The following AADAT variants were observed in gnomAD, a reference collection of about 807,000 sequenced individuals.
The protein encoded by AADAT is aminoadipate aminotransferase, also known as kynurenine/alpha-aminoadipate aminotransferase, mitochondrial.
A neutral mutation model predicts 56.2 loss-of-function variants in AADAT; 25 were observed. The ratio of observed to expected loss-of-function variants is 0.44; its 90% CI spans 0.32 to 0.62. AADAT has a LOEUF of 0.62. Ranked by LOEUF, AADAT falls within the 20% of genes least tolerant of loss-of-function variation. The pLI is 0.04. For synonymous variants in AADAT, 173 were observed against 164.7 expected (o/e 1.05, Z -0.39); for missense variants, 387 against 510.5 (o/e 0.76, Z 2.33).
chr4:170,090,330 CA>C (rs1354131472), upstream of AADAT: 1 of 152,336 alleles, frequency 6.6e-6, no homozygotes, highest in Admixed American at 6.5e-5. Context: ...GGAGCGGCCC[CA>C]CCCTCGTTCC....
chr4:170,092,915 T>G (rs1425428992), upstream of AADAT, among the ~76,000 whole-genome samples: 1 of 152,244 alleles, frequency 6.6e-6, no homozygotes, highest in Non-Finnish European at 1.5e-5. Context: ...TCTCAGTTAA[T>G]CCATGCACAC....
rs75920896 is a variant in AADAT, at chr4:170,078,686, A to C, written c.370-103T>G. The C allele has an allele frequency of 0.01, 6,750 of 667,944 alleles. 372 individuals are homozygous for C. The African/African-American group carries it at 0.11, about 11-fold the overall frequency. 41.4% of individuals were successfully genotyped at this position (667,944 alleles called of 1,614,324 possible). ...GTTTGAGCTCACATGGTTCTAGAGT[A>C]AGAATTAGCAAATTGTTTATAAGGG... On this transcript the variant is annotated intron_variant, in intron 3 of 12. Transcript: ENST00000337664.
At chr4:170,069,061 G>GA in intron 7 of AADAT, 87 bp downstream of exon 7, 2 of 1,168,980 alleles carry the variant, frequency 1.7e-6, no homozygotes, top group Non-Finnish European at 2.4e-6. Context: ...CATTTTAAGT[G>GA]AAAAAAATTG....
In AADAT at chr4:170,078,595, A is replaced by T; in HGVS notation, c.370-12T>A. The stretch of plus-strand genomic sequence containing the variant: ...ATCATTTCAAACACCTAACAAAAGA[A>T]GCATAGGTTAGCTTGTTAGTCAGCA... On this transcript the variant is annotated splice_polypyrimidine_tract_variant and intron_variant, in intron 3 of 12. Transcript: ENST00000337664. 6.3e-7 allele frequency: 1 copy of T among 1,587,520 alleles called. No individual in the cohort carries two copies. Among genetic ancestry groups the T allele is most frequent in the Non-Finnish European group, 8.6e-7 (1 of 1,161,732 alleles).
chr4:170,090,615 AT>A, upstream of AADAT: 1 of 152,294 alleles, frequency 6.6e-6, no homozygotes. Context: ...CTTTCGTTAA[AT>A]AAGAATTATG....
At chr4:170,079,481 G>A (rs750843852) in intron 3 of AADAT, among the ~76,000 whole-genome samples, 6 of 152,268 alleles carry the variant, frequency 3.9e-5, no homozygotes, top group Middle Eastern at 3.4e-3. Flanking sequence ...AGAAGGGTGA[G>A]AATACATGTG....
rs1052188225 is a variant in AADAT, at chr4:170,073,157, T to C, written c.633A>G (p.Glu211=). The C allele has an allele frequency of 1.1e-5, 17 of 1,614,018 alleles. No homozygotes were observed. The highest frequency in any genetic ancestry group is 3.3e-4 in the Middle Eastern group (2 of 6,084). The change falls in exon 5 of 13, where the codon GAA becomes GAG. Residue 211 remains glutamate, a synonymous_variant. Transcript: ENST00000337664. The part of the protein sequence containing the change: ...NNPTGNSLTS[E]RKKEIYELAR... ...ATACCTCATAGATTTCCTTTTTGCG[T>C]TCACTGGTTAATGAGTTTCCAGTAG...
Position 170,060,948 on chromosome 4 carries a change from G to A in AADAT, c.1258C>T (p.Leu420Phe). 6.5e-7 allele frequency: 1 copy of A among 1,540,270 alleles called. No homozygotes were observed. The highest frequency in any genetic ancestry group is 8.8e-7 in the Non-Finnish European group (1 of 1,142,636). ...TTTCTTCATAAAGATTCTTTTATAAGTTGTGCTAATACCTGGAAGGCCTAA... is the reference window on the plus strand; with the variant it reads ...TTTCTTCATAAAGATTCTTTTATAAATTGTGCTAATACCTGGAAGGCCTAA... ...MDVAFQVLAQ[L>F]IKESL Residue 420 changes from leucine to phenylalanine, a missense_variant, in exon 13 of 13, where the codon CTT (leucine) becomes TTT (phenylalanine). Transcript: ENST00000337664.
At chr4:170,073,101 G>A (rs758976151) in intron 5 of AADAT, 35 bp downstream of exon 5, 15 of 1,595,082 alleles carry the variant, frequency 9.4e-6, no homozygotes, top group Non-Finnish European at 1.3e-5. Flanking sequence ...AGAGAAACAG[G>A]AACACAACTA....
chr4:170,067,242 GAATAAATC>G, intron 9 of AADAT, 77 bp downstream of exon 9: 2 of 1,001,510 alleles, frequency 2.0e-6, no homozygotes, highest in Non-Finnish European at 3.0e-6. Context: ...TAGGAAGGAA[GAATAAATC>G]AATACTGTAG....
chr4:170,076,611 G>A (rs575098137), intron 4 of AADAT, among the ~76,000 whole-genome samples: 1 of 151,896 alleles, frequency 6.6e-6, no homozygotes, highest in Non-Finnish European at 1.5e-5. Flanking sequence ...TATATGTTCT[G>A]GTTATTAAAG....
chr4:170,069,129 T>TA lies in AADAT; in HGVS notation c.803+18dup. 2 of 1,606,332 alleles carry TA rather than the reference T, an allele frequency of 1.2e-6. No individual in the cohort carries two copies. The highest frequency in any genetic ancestry group is 1.7e-6 in the Non-Finnish European group (2 of 1,175,636). On this transcript the variant is annotated intron_variant, in intron 7 of 12. Coordinates refer to ENST00000337664, the MANE Select transcript of AADAT (RefSeq NM_016228.4). ...GGCTCTATTAGATCTAGCGTCAAGT[T>TA]AGAGACACAGGGCCTTACCCAGAGG... is the stretch of plus-strand genomic sequence containing the variant.
chr4:170,083,792 TA>T (rs1732426663), intron 3 of AADAT, among the ~76,000 whole-genome samples: 1 of 152,144 alleles, frequency 6.6e-6, no homozygotes, highest in Non-Finnish European at 1.5e-5. Context: ...AATGGAAATG[TA>T]AATTGGTACA....
At chr4:170,063,958 GA>G (rs140253958) in intron 11 of AADAT, among the ~76,000 whole-genome samples, 2,067 of 124,634 alleles carry the variant, frequency 0.017, 59 homozygotes, top group East Asian at 0.16. Context: ...ATAAAAAGAG[GA>G]AAAAAAAAAG....
chr4:170,091,966 G>T (rs1732860135), upstream of AADAT, among the ~76,000 whole-genome samples: 1 of 152,200 alleles, frequency 6.6e-6, no homozygotes, highest in Non-Finnish European at 1.5e-5. Context: ...TTAGCACTCT[G>T]TATCTAACTA....
intron 6 of AADAT, among the ~76,000 whole-genome samples, chr4:170,069,692 G>A (rs962240812): frequency 2.0e-5 from 3 of 152,108 alleles, no homozygotes; most frequent in African/African-American, 7.2e-5. Context: ...TGAGAAATTA[G>A]TCAACATGAA....
intron 1 of AADAT, 137 bp from the exon 2 acceptor site, chr4:170,088,701 G>A: frequency 1.1e-6 from 1 of 874,956 alleles, no homozygotes; most frequent in Non-Finnish European, 1.7e-6. Flanking sequence ...CTAAATGTTG[G>A]TGCTCCCCCA....
chr4:170,070,133 C>T (rs929587859), intron 6 of AADAT, among the ~76,000 whole-genome samples: 3 of 152,064 alleles, frequency 2.0e-5, no homozygotes, highest in Non-Finnish European at 4.4e-5. Flanking sequence ...AGCACAGCCT[C>T]TTTCTCCTTC....
intron 2 of AADAT, among the ~76,000 whole-genome samples, chr4:170,087,760 T>C (rs1732634640): frequency 6.6e-6 from 1 of 152,164 alleles, no homozygotes; most frequent in East Asian, 1.9e-4. Context: ...ATAGATTCTC[T>C]ATAAATTATC....
Sources: allele counts gnomAD v4.1 joint callset (sites outside exome capture counted in the v4.1 genomes callset), GRCh38; gene constraint gnomAD v4.1.1; transcripts MANE v1.5; gene names NCBI Gene and HGNC (gene_info 2026-07-23, HGNC 2026-07-21).